Variants in SERPINB7 observed in about 807,000 individuals in gnomAD.
The protein encoded by SERPINB7 is serpin family B member 7, also known as serpin B7.
Under a neutral mutation model 37.4 loss-of-function variants are expected in SERPINB7, and 31 were observed. The ratio of observed to expected loss-of-function variants is 0.83; its 90% CI spans 0.62 to 1.12. The LOEUF (loss-of-function observed/expected upper bound fraction) is 1.12, where lower values mean the gene tolerates loss of function less well. SERPINB7 is among the 50% of genes most tolerant of loss of function. The pLI is 0.00. For synonymous variants in SERPINB7, 163 were observed against 166.1 expected (o/e 0.98, Z 0.14); for missense variants, 521 against 455.3 (o/e 1.14, Z -1.31).
intron 2 of SERPINB7, among the ~76,000 whole-genome samples, chr18:63,787,068 C>A (rs2049380929): frequency 6.6e-6 from 1 of 152,134 alleles, no homozygotes; most frequent in African/African-American, 2.4e-5. Flanking sequence ...ACAACCTATA[C>A]ATATAGCATG....
chr18:63,785,419 A>T (rs1201443830), intron 2 of SERPINB7, among the ~76,000 whole-genome samples: 1 of 152,144 alleles, frequency 6.6e-6, no homozygotes, highest in Non-Finnish European at 1.5e-5. Context: ...CTTTTTAAAC[A>T]ATCCTTCCCA....
rs552294575 is a variant in SERPINB7, at chr18:63,782,539, A to C, written c.167A>C (p.Lys56Thr). The change falls in exon 2 of 8, where the codon AAG (lysine) becomes ACG (threonine). Residue 56 changes from lysine (K) to threonine (T), a missense_variant and splice_region_variant. Coordinates refer to ENST00000398019, the MANE Select transcript of SERPINB7 (RefSeq NM_003784.4). ...GATGACTCCCTCTCTCAGATTGATAAGGTCAGTCTCAGCTTTTGCAGTTAA... is the reference window on the plus strand; with the variant it reads ...GATGACTCCCTCTCTCAGATTGATACGGTCAGTCTCAGCTTTTGCAGTTAA... ...AQDDSLSQIDKLLHVNTASGY... is the reference protein window; with the variant it reads ...AQDDSLSQIDTLLHVNTASGY... 1 of 1,609,076 alleles carries C rather than the reference A, an allele frequency of 6.2e-7. No individual in the cohort carries two copies. The highest frequency in any genetic ancestry group is 1.1e-5 in the South Asian group (1 of 90,268).
intron 7 of SERPINB7, among the ~76,000 whole-genome samples, chr18:63,804,032 C>A (rs1174039991): frequency 6.6e-6 from 1 of 152,110 alleles, no homozygotes; most frequent in African/African-American, 2.4e-5. Context: ...CATAGTAGAG[C>A]AAATTAAACA....
intron 7 of SERPINB7, 71 bp downstream of exon 7, chr18:63,801,083 G>C (rs1450336861): frequency 6.9e-7 from 1 of 1,447,086 alleles, no homozygotes; most frequent in Non-Finnish European, 9.5e-7. Flanking sequence ...AGTTTTCACT[G>C]ATAAACTGTA....
intron 6 of SERPINB7, among the ~76,000 whole-genome samples, chr18:63,800,510 G>A (rs2049536125): frequency 6.6e-6 from 1 of 152,052 alleles, no homozygotes; most frequent in African/African-American, 2.4e-5. Context: ...TAAGTACAAG[G>A]CAATGTTCCA....
In SERPINB7 at chr18:63,798,624, G is replaced by T; in HGVS notation, c.475G>T (p.Gly159Cys). 1 of 1,571,788 alleles carries T rather than the reference G, an allele frequency of 6.4e-7. No individual in the cohort carries two copies. The highest frequency in any genetic ancestry group is 1.4e-5 in the African/African-American group (1 of 73,244). ...ETHGKIKNVI[G>C]EGGISSSAVM... The stretch of plus-strand genomic sequence containing the variant: ...AAAAGGCAAAATCAAGAACGTGATT[G>T]GTGAAGGTGGCATAAGCTCATCTGC... The change falls in exon 6 of 8, where the codon GGT becomes TGT. Residue 159 changes from glycine (G) to cysteine (C), a missense_variant. Coordinates refer to ENST00000398019, the MANE Select transcript of SERPINB7 (RefSeq NM_003784.4).
intron 1 of SERPINB7, among the ~76,000 whole-genome samples, chr18:63,765,214 A>G (rs1462708062): frequency 6.6e-6 from 1 of 151,480 alleles, no homozygotes; most frequent in Non-Finnish European, 1.5e-5. Flanking sequence ...AATGTTACAA[A>G]CTCTTGTTCA....
At chr18:63,755,933 A>G (rs1454336500) in intron 1 of SERPINB7, among the ~76,000 whole-genome samples, 1 of 152,138 alleles carries the variant, frequency 6.6e-6, no homozygotes, top group Non-Finnish European at 1.5e-5. Flanking sequence ...CATTAAATGA[A>G]TCATTTTGTG....
intron 1 of SERPINB7, among the ~76,000 whole-genome samples, chr18:63,765,346 C>T (rs563853364): frequency 6.6e-6 from 1 of 152,260 alleles, no homozygotes; most frequent in African/African-American, 2.4e-5. Flanking sequence ...TACATTTTCT[C>T]CATCTCTGAT....
chr18:63,781,687 T>C (rs2049302234), intron 1 of SERPINB7, among the ~76,000 whole-genome samples: 1 of 152,218 alleles, frequency 6.6e-6, no homozygotes, highest in African/African-American at 2.4e-5. Context: ...TACTGCACCC[T>C]GGGTTCTCTA....
At chr18:63,754,209 T>A (rs987407434) in intron 1 of SERPINB7, among the ~76,000 whole-genome samples, 15 of 152,222 alleles carry the variant, frequency 9.9e-5, no homozygotes, top group Non-Finnish European at 2.1e-4. Context: ...GAAGATTTTT[T>A]AAAGAGTTAT....
chr18:63,791,211 G>A (rs1370326974), intron 2 of SERPINB7, among the ~76,000 whole-genome samples: 1 of 152,048 alleles, frequency 6.6e-6, no homozygotes, highest in Non-Finnish European at 1.5e-5. Flanking sequence ...GATGGGTGCA[G>A]CAAACCACCA....
chr18:63,769,523 T>C (rs376171896), intron 1 of SERPINB7, among the ~76,000 whole-genome samples: 2 of 152,256 alleles, frequency 1.3e-5, no homozygotes, highest in South Asian at 4.1e-4. Context: ...GTTTGACAAG[T>C]ATTTTGTATT....
intron 2 of SERPINB7, among the ~76,000 whole-genome samples, chr18:63,791,674 T>G (rs934644454): frequency 1.3e-5 from 2 of 152,022 alleles, no homozygotes; most frequent in South Asian, 2.1e-4. Flanking sequence ...GCAGTGGTGC[T>G]ATCTCGGCTC....
At chr18:63,773,932 G>T (rs887911908), upstream of SERPINB7, among the ~76,000 whole-genome samples, 1 of 152,080 alleles carries the variant, frequency 6.6e-6, no homozygotes, top group African/African-American at 2.4e-5. Context: ...TGTGTGTCAC[G>T]TGGGTCCCTT....
At position 63,796,400 on chromosome 18, in the gene SERPINB7, C is replaced by T. The variant is rs768044762; in HGVS notation, c.454+17C>T. Reference sequence around the variant, plus strand: ...AAACACATGGTGAGTATTGAAATACCCTATTTTTCTACAAGATTTGTCAGT... The same window carrying T: ...AAACACATGGTGAGTATTGAAATACTCTATTTTTCTACAAGATTTGTCAGT... On this transcript the variant is annotated intron_variant, in intron 5 of 7. Transcript: ENST00000398019. 3 of 1,352,488 alleles carry T rather than the reference C, an allele frequency of 2.2e-6. 1 individual carries two copies. Among genetic ancestry groups the T allele is most frequent in the Non-Finnish European group, 2.1e-6 (2 of 945,566 alleles). The allele number at this position is 1,352,488 out of a possible 1,614,324, so 83.8% of individuals were successfully genotyped here. A position where few individuals can be genotyped will look rare whatever the true frequency, so the allele number is the denominator to read the frequency against.
chr18:63,788,195 G>A (rs2049392003), intron 2 of SERPINB7, among the ~76,000 whole-genome samples: 1 of 152,226 alleles, frequency 6.6e-6, no homozygotes, highest in Non-Finnish European at 1.5e-5. Context: ...CCAGAAGGAG[G>A]CATTGTTATC....
intron 4 of SERPINB7, among the ~76,000 whole-genome samples, chr18:63,795,630 T>C (rs2049479767): frequency 6.8e-6 from 1 of 148,042 alleles, no homozygotes; most frequent in Admixed American, 6.7e-5. Flanking sequence ...CTAGAGAAGA[T>C]ATCTGTCCAG....
Position 63,804,386 on chromosome 18 carries a change from T to G in SERPINB7, c.894T>G (p.Asp298Glu), listed in dbSNP as rs754281337. 1 of 1,613,892 alleles carries G rather than the reference T, an allele frequency of 6.2e-7. No individual in the cohort carries two copies. Among genetic ancestry groups the G allele is most frequent in the Non-Finnish European group, 8.5e-7 (1 of 1,179,882 alleles). Residue 298 changes from aspartate (D) to glutamate (E), a missense_variant, in exon 8 of 8, where the codon GAT becomes GAG. Coordinates refer to ENST00000398019, the MANE Select transcript of SERPINB7 (RefSeq NM_003784.4). ...KQYLRALGLK[D>E]IFDESKADLS... ...ATTTGAGAGCCCTAGGGCTGAAAGATATCTTTGATGAATCCAAAGCAGATC... is the reference window on the plus strand; with the variant it reads ...ATTTGAGAGCCCTAGGGCTGAAAGAGATCTTTGATGAATCCAAAGCAGATC...
Sources: gnomAD v4.1 joint callset for allele counts (sites outside exome capture counted in the v4.1 genomes callset) on GRCh38, gnomAD v4.1.1 for gene constraint, MANE v1.5 for transcripts, NCBI Gene and HGNC (gene_info 2026-07-23, HGNC 2026-07-21) for gene names.